Variants in STRN3 observed in about 807,000 individuals in gnomAD.
STRN3 encodes striatin 3.
A neutral mutation model predicts 95.6 loss-of-function variants in STRN3; 29 were observed. The ratio of observed to expected loss-of-function variants is 0.30; its 90% CI spans 0.23 to 0.41. The LOEUF is 0.41. Ranked by LOEUF, STRN3 falls within the 10% of genes least tolerant of loss-of-function variation. The pLI is 1.00. For synonymous variants in STRN3, 331 were observed against 357.6 expected, an observed-to-expected ratio of 0.93 and a Z score of 0.84; for missense variants, 890 against 972.1, an observed-to-expected ratio of 0.92 and a Z score of 1.12.
intron 5 of STRN3, among the ~76,000 whole-genome samples, chr14:30,944,160 G>A (rs1352459580): frequency 2.0e-5 from 3 of 152,032 alleles, no homozygotes; most frequent in Non-Finnish European, 2.9e-5. Flanking sequence ...GGAAAAAAAC[G>A]AAAGGATCTT....
intron 11 of STRN3, 43 bp downstream of exon 11, chr14:30,911,964 C>A: frequency 6.3e-7 from 1 of 1,584,862 alleles, no homozygotes; most frequent in African/African-American, 1.4e-5. Context: ...CTTATATTAG[C>A]AAAATTGGAA....
rs201002330 is a variant in STRN3, at chr14:30,911,793, T to G, written c.1582A>C (p.Thr528Pro). ...AAAACTTACATGTGGGCCCTAAATG[T>G]GTAGATAGGCTCTACATCTAAAGAG... Reference protein sequence around the residue: ...SASLDVEPIYTFRAHIGPVLS... With the variant: ...SASLDVEPIYPFRAHIGPVLS... Residue 528 changes from threonine (T) to proline (P), a missense_variant, in exon 12 of 18, where the codon ACA becomes CCA. Physicochemically the swap from Thr to Pro is conservative, Grantham distance 38. Coordinates refer to ENST00000357479, the MANE Select transcript of STRN3 (RefSeq NM_001083893.2). 1 of 1,608,556 alleles carries G rather than the reference T, an allele frequency of 6.2e-7. No homozygotes were observed.
chr14:30,968,270 G>C (rs1211446023), intron 1 of STRN3, among the ~76,000 whole-genome samples: 1 of 134,098 alleles, frequency 7.5e-6, no homozygotes, highest in Non-Finnish European at 1.6e-5. Flanking sequence ...CTTCAGAAAA[G>C]AATGATTATC....
Position 30,906,942 on chromosome 14 carries a change from C to T in STRN3, c.1823G>A (p.Gly608Asp), listed in dbSNP as rs1229425312. ...TTGTGGATTCCATAACCTAACAGTG[C>T]CATCTGCTGAACAAGACAGTAATTG... ...KNQLLSCSAD[G>D]TVRLWNPQEK... Residue 608 changes from glycine (G) to aspartate (D), a missense_variant, in exon 14 of 18, where the codon GGC becomes GAC. Physicochemically the swap from Gly to Asp is moderately conservative, Grantham distance 94. This residue lies in a region of STRN3 where 357 missense variants were observed against 422.8 expected (regional missense o/e 0.84). Coordinates refer to ENST00000357479, the MANE Select transcript of STRN3 (RefSeq NM_001083893.2). The T allele has an allele frequency of 1.2e-6, 2 of 1,613,840 alleles. No individual in the cohort carries two copies. The highest frequency in any genetic ancestry group is 1.3e-5 in the African/African-American group (1 of 75,016).
intron 9 of STRN3, among the ~76,000 whole-genome samples, chr14:30,915,246 G>A (rs1333797145): frequency 7.2e-5 from 11 of 151,988 alleles, no homozygotes; most frequent in African/African-American, 2.7e-4. Flanking sequence ...CTAAACTACT[G>A]GAAATAATTC....
At chr14:31,006,701 C>CA (rs1416341646) in intron 1 of STRN3, among the ~76,000 whole-genome samples, 1 of 148,684 alleles carries the variant, frequency 6.7e-6, no homozygotes, top group Non-Finnish European at 1.5e-5. Context: ...ATCTCAAAAA[C>CA]AAAAAAAGAA....
At chr14:30,946,945 C>T (rs1289579892) in intron 5 of STRN3, 145 bp downstream of exon 5, 2 of 502,042 alleles carry the variant, frequency 4.0e-6, no homozygotes, top group Non-Finnish European at 6.4e-6. Flanking sequence ...TACCATTGCA[C>T]TCCAGCTTGG....
intron 5 of STRN3, among the ~76,000 whole-genome samples, chr14:30,940,477 T>G (rs1450943579): frequency 6.6e-6 from 1 of 152,224 alleles, no homozygotes; most frequent in Non-Finnish European, 1.5e-5. Flanking sequence ...TCCCTCAGAA[T>G]CTTTAAGGCA....
At chr14:30,992,900 G>A (rs1882030884) in intron 1 of STRN3, among the ~76,000 whole-genome samples, 1 of 152,056 alleles carries the variant, frequency 6.6e-6, no homozygotes, top group Non-Finnish European at 1.5e-5. Flanking sequence ...ATGTTGCCTA[G>A]GCTGGTCTCA....
chr14:30,967,933 GAAC>G (rs1880615717), intron 1 of STRN3, among the ~76,000 whole-genome samples: 1 of 152,096 alleles, frequency 6.6e-6, no homozygotes. Flanking sequence ...GGTGGTGGGG[GAAC>G]AACAGGTATT....
At position 30,895,859 on chromosome 14, in the gene STRN3, T is replaced by G. The variant is rs550745615; in HGVS notation, c.2138-111A>C. On this transcript the variant is annotated intron_variant, in intron 16 of 17. Coordinates refer to ENST00000357479, the MANE Select transcript of STRN3 (RefSeq NM_001083893.2). ...AACAATCATTATAGCAACTTTTTTATTGTGGTAAAATATACACAACATAAA... is the reference window on the plus strand; with the variant it reads ...AACAATCATTATAGCAACTTTTTTAGTGTGGTAAAATATACACAACATAAA... 34 of 898,384 alleles carry G rather than the reference T, an allele frequency of 3.8e-5. 1 individual carries two copies. The East Asian group carries it at 8.8e-4, about 23-fold the overall frequency. 55.7% of individuals were successfully genotyped at this position (898,384 alleles called of 1,614,324 possible). A position where few individuals can be genotyped will look rare whatever the true frequency, so the allele number is the denominator to read the frequency against.
chr14:30,912,535 A>G (rs549060539), intron 10 of STRN3, among the ~76,000 whole-genome samples: 2 of 152,228 alleles, frequency 1.3e-5, no homozygotes, highest in Non-Finnish European at 2.9e-5. Context: ...GTTATTACAA[A>G]TATCCAACGG....
chr14:30,926,563 T>G lies in STRN3; in HGVS notation c.1099+2638A>C, dbSNP rs188040412. Among the ~76,000 whole-genome samples the G allele has an allele frequency of 2.7e-3, 417 of 151,876 alleles. 2 individuals carry two copies. Among genetic ancestry groups the G allele is most frequent in the Non-Finnish European group, 4.5e-3 (302 of 67,860 alleles). On this transcript the variant is annotated intron_variant, in intron 8 of 17. Coordinates refer to ENST00000357479, the MANE Select transcript of STRN3 (RefSeq NM_001083893.2). Reference sequence around the variant, plus strand: ...TTACTTCTTATAATACTTCTTATAATTACTTCTTATAAGTACTTCTTATAA... The same window carrying G: ...TTACTTCTTATAATACTTCTTATAAGTACTTCTTATAAGTACTTCTTATAA...
intron 8 of STRN3, among the ~76,000 whole-genome samples, chr14:30,920,355 C>CA (rs917634714): frequency 2.0e-4 from 31 of 152,158 alleles, no homozygotes; most frequent in African/African-American, 6.3e-4. Flanking sequence ...ATTTCCCCCC[C>CA]ACAGAGAAAT....
intron 3 of STRN3, among the ~76,000 whole-genome samples, chr14:30,955,048 T>G (rs1868333729): frequency 6.6e-6 from 1 of 152,116 alleles, no homozygotes; most frequent in Non-Finnish European, 1.5e-5. Flanking sequence ...CTGTTCCTGA[T>G]TTTTGCTTTT....
At chr14:30,896,181 G>A (rs764251774) in intron 16 of STRN3, among the ~76,000 whole-genome samples, 7 of 152,048 alleles carry the variant, frequency 4.6e-5, no homozygotes, top group African/African-American at 1.2e-4. Context: ...CCACCACTAC[G>A]GTAATGTTTT....
chr14:30,975,836 T>TG (rs1555323100), intron 1 of STRN3, among the ~76,000 whole-genome samples: 1 of 113,146 alleles, frequency 8.8e-6, no homozygotes, highest in Non-Finnish European at 1.7e-5. Flanking sequence ...CCTGGCTCTT[T>TG]AAAAAAAAAA....
At chr14:31,016,295 G>A (rs1883232350) in intron 1 of STRN3, among the ~76,000 whole-genome samples, 1 of 152,092 alleles carries the variant, frequency 6.6e-6, no homozygotes, top group Non-Finnish European at 1.5e-5. Flanking sequence ...GTCAAAACTT[G>A]AAAGTAACCA....
At chr14:30,970,701 T>C (rs1880785009) in intron 1 of STRN3, among the ~76,000 whole-genome samples, 1 of 152,092 alleles carries the variant, frequency 6.6e-6, no homozygotes, top group African/African-American at 2.4e-5. Flanking sequence ...TCCTCCTCCA[T>C]CTAAGGACAA....
Sources: gnomAD v4.1 joint callset for allele counts (sites outside exome capture counted in the v4.1 genomes callset) on GRCh38, gnomAD v4.1.1 for gene constraint, gnomAD v4.1.1 regional missense constraint, MANE v1.5 for transcripts, NCBI Gene and HGNC (gene_info 2026-07-23, HGNC 2026-07-21) for gene names.